Variants in PTPRN2 observed in about 807,000 individuals in gnomAD.
The protein encoded by PTPRN2 is receptor-type tyrosine-protein phosphatase N2.
In PTPRN2, 74 loss-of-function variants were observed where a neutral mutation model predicts 118.8. That is an observed-to-expected ratio of 0.62 (90% confidence interval 0.52 to 0.76). The LOEUF is 0.76. Among genes scored for constraint, PTPRN2 ranks in the 30% least tolerant of loss-of-function variants. PTPRN2 has a pLI of 0.00. For missense variants in PTPRN2, 1,481 were observed against 1,394.4 expected, an observed-to-expected ratio of 1.06 and a Z score of -0.99; for synonymous variants, 641 against 608.0, an observed-to-expected ratio of 1.05 and a Z score of -0.80.
chr7:157,697,865 CATCTACTCAT>C (rs1797881835), intron 12 of PTPRN2, among the ~76,000 whole-genome samples: 1 of 149,048 alleles, frequency 6.7e-6, no homozygotes, highest in African/African-American at 2.5e-5. Context: ...GAGCCCTCAC[CATCTACTCAT>C]GCATACTGGG....
intron 10 of PTPRN2, among the ~76,000 whole-genome samples, chr7:158,103,264 A>C (rs1430700061): frequency 1.3e-5 from 2 of 152,224 alleles, no homozygotes. Context: ...GATAGTGCCA[A>C]AGATACAGGC....
intron 1 of PTPRN2, among the ~76,000 whole-genome samples, chr7:158,512,601 A>T (rs1360918869): frequency 6.6e-6 from 1 of 152,174 alleles, no homozygotes; most frequent in East Asian, 1.9e-4. Flanking sequence ...GTCAGCTGAC[A>T]TGTCCTACAG....
intron 15 of PTPRN2, among the ~76,000 whole-genome samples, chr7:157,614,418 G>C (rs1246090939): frequency 1.3e-5 from 2 of 152,106 alleles, no homozygotes; most frequent in African/African-American, 2.4e-5. Flanking sequence ...AGCTTTATTA[G>C]GTACCATTCA....
At chr7:157,720,468 G>A (rs994743149) in intron 12 of PTPRN2, among the ~76,000 whole-genome samples, 16 of 152,204 alleles carry the variant, frequency 1.1e-4, no homozygotes, top group African/African-American at 3.4e-4. Flanking sequence ...TTGCACACCC[G>A]GGTCAAGGGC....
chr7:158,459,423 A>C (rs1416468495), intron 2 of PTPRN2, among the ~76,000 whole-genome samples: 2 of 152,022 alleles, frequency 1.3e-5, no homozygotes, highest in Non-Finnish European at 2.9e-5. Flanking sequence ...AACGGGATCC[A>C]GAATCCAGAG....
chr7:158,338,233 T>C (rs1806069045), intron 2 of PTPRN2, among the ~76,000 whole-genome samples: 1 of 78,908 alleles, frequency 1.3e-5, no homozygotes, highest in African/African-American at 5.8e-5. Flanking sequence ...CCATAATAGC[T>C]GTCGTCCGGA....
chr7:158,220,125 T>C (rs958029384), intron 3 of PTPRN2, among the ~76,000 whole-genome samples: 12 of 152,004 alleles, frequency 7.9e-5, no homozygotes, highest in African/African-American at 2.9e-4. Context: ...GTTAAAAACC[T>C]TCAACAAATT....
chr7:158,267,968 A>T (rs957934768), intron 3 of PTPRN2, among the ~76,000 whole-genome samples: 2 of 152,142 alleles, frequency 1.3e-5, no homozygotes, highest in Admixed American at 1.3e-4. Context: ...CCAGCTTGCC[A>T]TTTAAACGCA....
intron 12 of PTPRN2, among the ~76,000 whole-genome samples, chr7:157,891,470 C>T (rs985410983): frequency 7.9e-6 from 1 of 126,442 alleles, no homozygotes; most frequent in African/African-American, 3.0e-5. Flanking sequence ...ATTCATGGGG[C>T]GGATTCCCAC....
At chr7:158,092,558 T>G (rs1814281915) in intron 10 of PTPRN2, among the ~76,000 whole-genome samples, 2 of 152,252 alleles carry the variant, frequency 1.3e-5, no homozygotes, top group Middle Eastern at 3.4e-3. Context: ...GTTTATAGCT[T>G]AAGAATCATT....
rs187987682 is a variant in PTPRN2, at chr7:158,384,770, A to G, written c.164-67838T>C. Among the ~76,000 whole-genome samples, 13 of 152,328 alleles carry G rather than the reference A, an allele frequency of 8.5e-5. No homozygotes were observed. The East Asian group carries it at 2.5e-3, about 29-fold the overall frequency. On this transcript the variant is annotated intron_variant, in intron 2 of 22. Transcript: ENST00000389418. ...AAGTGATTACATTTGACCCTTAAAC[A>G]TGCACTCTTTGTAAAAGTTACCAAA... is the stretch of plus-strand genomic sequence containing the variant.
intron 2 of PTPRN2, among the ~76,000 whole-genome samples, chr7:158,368,356 C>T (rs933260435): frequency 3.9e-4 from 59 of 152,096 alleles, no homozygotes; most frequent in African/African-American, 1.2e-3. Context: ...CTTTTCTTAG[C>T]GACTACCTAA....
intron 11 of PTPRN2, among the ~76,000 whole-genome samples, chr7:157,985,255 A>G (rs1803690126): frequency 6.6e-6 from 1 of 152,228 alleles, no homozygotes; most frequent in Non-Finnish European, 1.5e-5. Context: ...TTTTTTAGAA[A>G]AAAGCAGCAG....
At chr7:158,050,954 C>G (rs980360835) in intron 11 of PTPRN2, among the ~76,000 whole-genome samples, 5 of 152,258 alleles carry the variant, frequency 3.3e-5, no homozygotes, top group Non-Finnish European at 7.3e-5. Flanking sequence ...ACTGAGACAA[C>G]AGCCACCTGG....
intron 2 of PTPRN2, among the ~76,000 whole-genome samples, chr7:158,355,484 C>T (rs1288547478): frequency 2.6e-5 from 4 of 152,198 alleles, no homozygotes; most frequent in Non-Finnish European, 4.4e-5. Context: ...GTCATCTGTC[C>T]GTTTGTGTCA....
At chr7:158,329,185 C>T (rs1013579341) in intron 2 of PTPRN2, among the ~76,000 whole-genome samples, 3 of 152,222 alleles carry the variant, frequency 2.0e-5, no homozygotes, top group African/African-American at 7.2e-5. Context: ...CAGCAGACAC[C>T]GGCCAGGCGG....
chr7:157,724,441 A>G (rs996901540), intron 12 of PTPRN2, among the ~76,000 whole-genome samples: 1 of 152,200 alleles, frequency 6.6e-6, no homozygotes, highest in Non-Finnish European at 1.5e-5. Flanking sequence ...TTTACTTTAC[A>G]TTTTGATATG....
intron 1 of PTPRN2, among the ~76,000 whole-genome samples, chr7:158,571,581 AGAGCAGGAATGAAAG>A (rs939361215): frequency 2.4e-5 from 3 of 125,904 alleles, no homozygotes; most frequent in Middle Eastern, 5.4e-3. Flanking sequence ...AAAAAGCTTT[AGAGCAGGAATGAAAG>A]GAAGGAAAGT....
At chr7:158,150,944 T>C (rs924213733) in intron 6 of PTPRN2, among the ~76,000 whole-genome samples, 5 of 151,944 alleles carry the variant, frequency 3.3e-5, no homozygotes, top group Admixed American at 6.6e-5. Context: ...CTGGGAAATA[T>C]TATTCTGTGC....
Sources: allele counts gnomAD v4.1 joint callset (sites outside exome capture counted in the v4.1 genomes callset), GRCh38; gene constraint gnomAD v4.1.1; transcripts MANE v1.5; gene names NCBI Gene and HGNC (gene_info 2026-07-23, HGNC 2026-07-21).